PLEKHG2: variants seen among roughly 807,000 people sequenced by gnomAD.
PLEKHG2 encodes the protein pleckstrin homology domain-containing family G member 2.
Under a neutral mutation model 104.4 loss-of-function variants are expected in PLEKHG2, and 71 were observed. That is an observed-to-expected ratio of 0.68 (90% CI 0.56 to 0.83). PLEKHG2 has a LOEUF of 0.83. PLEKHG2 is among the 40% of genes least tolerant of loss of function. PLEKHG2 has a pLI of 0.00. For synonymous variants in PLEKHG2, 728 were observed against 737.0 expected, an observed-to-expected ratio of 0.99 and a Z score of 0.20; for missense variants, 1,730 against 1,809.4, an observed-to-expected ratio of 0.96 and a Z score of 0.80.
Position 39,420,969 on chromosome 19 carries a change from G to C in PLEKHG2, c.1420G>C (p.Val474Leu). 1 of 1,614,028 alleles carries C rather than the reference G, an allele frequency of 6.2e-7. No homozygotes were observed. The highest frequency in any genetic ancestry group is 8.5e-7 in the Non-Finnish European group (1 of 1,180,006). ...CACAGCTCCATCTCCTGGGCCCTCTGTGATTCGCCGAGGCCGCAGGCAGTC... is the reference window on the plus strand; with the variant it reads ...CACAGCTCCATCTCCTGGGCCCTCTCTGATTCGCCGAGGCCGCAGGCAGTC... Reference protein sequence around the residue: ...RNTAPSPGPSVIRRGRRQSEP... With the variant: ...RNTAPSPGPSLIRRGRRQSEP... Residue 474 changes from valine to leucine, a missense_variant, in exon 14 of 19, where the codon GTG becomes CTG. Coordinates refer to ENST00000425673, the MANE Select transcript of PLEKHG2 (RefSeq NM_022835.3).
rs373113861 is a variant in PLEKHG2, at chr19:39,420,745, C to G, written c.1298-6C>G. 4 of 1,614,162 alleles carry G rather than the reference C, an allele frequency of 2.5e-6. No individual in the cohort carries two copies. Among genetic ancestry groups the G allele is most frequent in the African/African-American group, 1.3e-5 (1 of 75,040 alleles). On this transcript the variant is annotated splice_polypyrimidine_tract_variant and splice_region_variant and intron_variant, in intron 12 of 18. Coordinates refer to ENST00000425673, the MANE Select transcript of PLEKHG2 (RefSeq NM_022835.3). ...TTGGCTTTTAGCCCCAAAACTCTCC[C>G]CACAGGTGCCCCCAAAAGTAAGCCT...
At chr19:39,417,780 G>T (rs2078631095) in intron 8 of PLEKHG2, 88 bp downstream of exon 8, 1 of 1,523,594 alleles carries the variant, frequency 6.6e-7, no homozygotes, top group East Asian at 2.4e-5. Flanking sequence ...TGCCTCAGAG[G>T]TAGCCTTGGA....
intron 11 of PLEKHG2, among the ~76,000 whole-genome samples, chr19:39,420,089 GT>G (rs1568394848): frequency 6.6e-6 from 1 of 152,008 alleles, no homozygotes; most frequent in African/African-American, 2.4e-5. Context: ...GCTGGACGTG[GT>G]GGTTCACGCC....
At position 39,422,725 on chromosome 19, in the gene PLEKHG2, A is replaced by G. The variant is rs1332721964; in HGVS notation, c.1678-7A>G. On this transcript the variant is annotated splice_region_variant and splice_polypyrimidine_tract_variant and intron_variant, in intron 17 of 18. Coordinates refer to ENST00000425673, the MANE Select transcript of PLEKHG2 (RefSeq NM_022835.3). ...ATGTTTGGCTTGTTCTCCTGTGCCCACTATAGCCGTCCACCCATGACATTC... is the reference window on the plus strand; with the variant it reads ...ATGTTTGGCTTGTTCTCCTGTGCCCGCTATAGCCGTCCACCCATGACATTC... 1.3e-6 allele frequency: 2 copies of G among 1,518,058 alleles called. No individual in the cohort carries two copies. Among genetic ancestry groups the G allele is most frequent in the South Asian group, 1.3e-5 (1 of 74,478 alleles). 94.0% of individuals were successfully genotyped at this position (1,518,058 alleles called of 1,614,324 possible). A position where few individuals can be genotyped will look rare whatever the true frequency, so the allele number is the denominator to read the frequency against.
intron 17 of PLEKHG2, 122 bp from the exon 18 acceptor site, chr19:39,422,610 A>G: frequency 7.8e-7 from 1 of 1,276,554 alleles, no homozygotes; most frequent in South Asian, 2.1e-5. Context: ...GCTGGTCTCG[A>G]ACTCGTAACC....
At position 39,426,389 on chromosome 19, in the gene PLEKHG2, G is replaced by A. The variant is rs2078782517; in HGVS notation, c.*1095G>A. 1 of 152,360 alleles carries A rather than the reference G, an allele frequency of 6.6e-6. No homozygotes were observed. Among genetic ancestry groups the A allele is most frequent in the East Asian group, 1.9e-4 (1 of 5,190 alleles). The allele number at this position is 152,360 out of a possible 1,614,324, so 9.4% of individuals were successfully genotyped here. ...CTCCCTCCCCCAGCAAAATAATTCA[G>A]GTCGTGGAGACAAAAGGCTTTTATG... is the stretch of plus-strand genomic sequence containing the variant. On this transcript the variant is annotated 3_prime_UTR_variant, in exon 19 of 19. Coordinates refer to ENST00000425673, the MANE Select transcript of PLEKHG2 (RefSeq NM_022835.3).
intron 7 of PLEKHG2, 114 bp downstream of exon 7, chr19:39,417,114 G>A: frequency 7.8e-7 from 1 of 1,289,208 alleles, no homozygotes; most frequent in South Asian, 1.5e-5. Flanking sequence ...CTCCCAAAGT[G>A]CTGGGATTAC....
chr19:39,413,295 G>C lies in PLEKHG2; in HGVS notation c.-140G>C, dbSNP rs1382651419. The C allele has an allele frequency of 1.3e-5, 2 of 152,234 alleles. No individual in the cohort carries two copies. The highest frequency in any genetic ancestry group is 2.9e-5 in the Non-Finnish European group (2 of 68,088). 9.4% of individuals were successfully genotyped at this position (152,234 alleles called of 1,614,324 possible). On this transcript the variant is annotated 5_prime_UTR_variant, in exon 1 of 19. Transcript: ENST00000425673. This position sits in a 1 kb window ranked among gnomAD's most constrained non-coding sequence, Gnocchi z 4.5. ...CGAGAGACCCCAGATTCTATTCCTGGAGCCTGAGAGCCCGAAGTTCACGCC... is the reference window on the plus strand; with the variant it reads ...CGAGAGACCCCAGATTCTATTCCTGCAGCCTGAGAGCCCGAAGTTCACGCC...
intron 7 of PLEKHG2, 21 bp downstream of exon 7, chr19:39,417,021 C>G (rs2078616773): frequency 1.3e-6 from 2 of 1,584,506 alleles, no homozygotes; most frequent in African/African-American, 1.3e-5. Context: ...GCCCCTGGAG[C>G]CAGGCTGGGG....
chr19:39,422,109 T>C lies in PLEKHG2; in HGVS notation c.1504-6T>C. The C allele has an allele frequency of 6.2e-7, 1 of 1,605,926 alleles. No individual in the cohort carries two copies. Among genetic ancestry groups the C allele is most frequent in the Non-Finnish European group, 8.5e-7 (1 of 1,176,186 alleles). ...TCTTGCCTTCCATTGCTTTCCCTCC[T>C]CACAGCACGCTGGCAGCGAAGGGGA... On this transcript the variant is annotated splice_polypyrimidine_tract_variant and splice_region_variant and intron_variant, in intron 16 of 18. Coordinates refer to ENST00000425673, the MANE Select transcript of PLEKHG2 (RefSeq NM_022835.3).
rs142461695 is a variant in PLEKHG2 at position 39,419,843 on chromosome 19, G to A, written c.1264-783G>A. 5.7e-4 allele frequency among the ~76,000 whole-genome samples: 86 copies of A among 150,814 alleles called. 1 individual carries two copies. In the South Asian group the frequency reaches 8.6e-3, roughly 15 times the overall value. On this transcript the variant is annotated intron_variant, in intron 11 of 18. Coordinates refer to ENST00000425673, the MANE Select transcript of PLEKHG2 (RefSeq NM_022835.3). ...CAGTGAGCCTAGGTTGCGTCACTGC[G>A]CTCTCCAGACTGGGCAACAGAGTGA...
rs1320207074 is a variant in PLEKHG2, at chr19:39,413,298, C to G, written c.-137C>G. On this transcript the variant is annotated 5_prime_UTR_variant, in exon 1 of 19. Coordinates refer to ENST00000425673, the MANE Select transcript of PLEKHG2 (RefSeq NM_022835.3). This position sits in a 1 kb window ranked among gnomAD's most constrained non-coding sequence, Gnocchi z 4.5. ...GAGACCCCAGATTCTATTCCTGGAGCCTGAGAGCCCGAAGTTCACGCCCCT... is the reference window on the plus strand; with the variant it reads ...GAGACCCCAGATTCTATTCCTGGAGGCTGAGAGCCCGAAGTTCACGCCCCT... 4 of 152,290 alleles carry G rather than the reference C, an allele frequency of 2.6e-5. No homozygotes were observed. The South Asian group carries it at 8.3e-4, about 31-fold the overall frequency. 9.4% of individuals were successfully genotyped at this position (152,290 alleles called of 1,614,324 possible).
chr19:39,417,984 G>A lies in PLEKHG2; in HGVS notation c.962G>A (p.Arg321Gln), dbSNP rs777862067. 9.7e-6 allele frequency: 15 copies of A among 1,550,710 alleles called. No individual in the cohort carries two copies. The South Asian group carries it at 1.4e-4, about 15-fold the overall frequency. The change falls in exon 9 of 19, where the codon CGA (arginine) becomes CAA (glutamine). Residue 321 changes from arginine to glutamine, a missense_variant. By Grantham distance (43) the Arg-to-Gln change is conservative. Transcript: ENST00000425673. ...GAACTGGTGTTGGAGGGCGCGTTCC[G>A]AGGAGGCGGAGGGGGTGGCCCCCGG... ...FGELVLEGAF[R>Q]GGGGGGPRLR...
rs775427339 is a variant in PLEKHG2, at chr19:39,419,024, G to C, written c.1263+21G>C. On this transcript the variant is annotated intron_variant, in intron 11 of 18. Transcript: ENST00000425673. ...CCAAGGTACAGCTCCTGCCGCAGCCGGGGGCCCTCTGAGTGCTGGAGACAC... is the reference window on the plus strand; with the variant it reads ...CCAAGGTACAGCTCCTGCCGCAGCCCGGGGCCCTCTGAGTGCTGGAGACAC... 5 of 1,592,598 alleles carry C rather than the reference G, an allele frequency of 3.1e-6. No individual in the cohort carries two copies. The African/African-American group carries it at 6.7e-5, about 21-fold the overall frequency.
rs1485192282 is a variant in PLEKHG2, at chr19:39,413,654, G to A, written c.-23+242G>A. On this transcript the variant is annotated intron_variant, in intron 1 of 18. Transcript: ENST00000425673. The surrounding 1 kb of genome is among the most constrained non-coding windows in gnomAD (Gnocchi z 4.5). ...CCCCAGCGCGCAGCCCTCGGCGGGG[G>A]AGGGAGCCGTCTGCAGGACCCTGGC... 1 of 154,864 alleles carries A rather than the reference G, an allele frequency of 6.5e-6. No homozygotes were observed. The highest frequency in any genetic ancestry group is 2.4e-5 in the African/African-American group (1 of 41,424). 9.6% of individuals were successfully genotyped at this position (154,864 alleles called of 1,614,324 possible).
At position 39,416,736 on chromosome 19, in the gene PLEKHG2, C is replaced by T. The variant is rs1417184030; in HGVS notation, c.594-114C>T. ...GTGACAGTAACTGACCTCTCCCTCA[C>T]TGCCCCGCCCCCTGTCAGACCCTGA... On this transcript the variant is annotated intron_variant, in intron 6 of 18. Coordinates refer to ENST00000425673, the MANE Select transcript of PLEKHG2 (RefSeq NM_022835.3). The surrounding 1 kb of genome is among the most constrained non-coding windows in gnomAD (Gnocchi z 4.5). 16 of 1,466,354 alleles carry T rather than the reference C, an allele frequency of 1.1e-5. No individual in the cohort carries two copies. Among genetic ancestry groups the T allele is most frequent in the Non-Finnish European group, 1.5e-5 (16 of 1,069,526 alleles). The allele number at this position is 1,466,354 out of a possible 1,614,324, so 90.8% of individuals were successfully genotyped here.
Position 39,418,962 on chromosome 19 carries a change from C to T in PLEKHG2, c.1222C>T (p.Arg408Cys), listed in dbSNP as rs762765271. The T allele has an allele frequency of 1.1e-5, 17 of 1,613,240 alleles. No homozygotes were observed. The South Asian group carries it at 1.4e-4, about 14-fold the overall frequency. Reference protein sequence around the residue: ...EKRLWIHCLQRLFFENHPASI... With the variant: ...EKRLWIHCLQCLFFENHPASI... ...GAGGCTGTGGATTCACTGTCTCCAG[C>T]GCCTCTTCTTTGAGAACCACCCTGC... Residue 408 changes from arginine (R) to cysteine (C), a missense_variant, in exon 11 of 19, where the codon CGC (arginine) becomes TGC (cysteine). By Grantham distance (180) the Arg-to-Cys change is radical. Transcript: ENST00000425673.
In PLEKHG2 at chr19:39,424,968, A is replaced by G; in HGVS notation, c.3835A>G (p.Arg1279Gly). The change falls in exon 19 of 19, where the codon AGA (arginine) becomes GGA (glycine). Residue 1279 changes from arginine (R) to glycine (G), a missense_variant. Coordinates refer to ENST00000425673, the MANE Select transcript of PLEKHG2 (RefSeq NM_022835.3). ...GGGCCCCAATGCAGCTGCCCTCTCC[A>G]GATACCTGGCAGCCTCATATATCAG... ...LLGPNAAALS[R>G]YLAASYISQS... 3 of 1,613,898 alleles carry G rather than the reference A, an allele frequency of 1.9e-6. No homozygotes were observed. The South Asian group carries it at 3.3e-5, about 18-fold the overall frequency.
rs1486316375 is a variant in PLEKHG2, at chr19:39,421,073, A to C, written c.1448-2A>C. 5 of 1,614,004 alleles carry C rather than the reference A, an allele frequency of 3.1e-6. No individual in the cohort carries two copies. In the South Asian group the frequency reaches 4.4e-5, roughly 14 times the overall value. On this transcript the variant is annotated splice_acceptor_variant, in intron 14 of 18. Transcript: ENST00000425673. LOFTEE classifies it high-confidence loss of function. Reference sequence around the variant, plus strand: ...CCTGACATCACTGTGTCCTCCCCGCAGAGCCGGTGAAGGACCCTTATGTCA... The same window carrying C: ...CCTGACATCACTGTGTCCTCCCCGCCGAGCCGGTGAAGGACCCTTATGTCA...
Sources: gnomAD v4.1 joint callset for allele counts (sites outside exome capture counted in the v4.1 genomes callset) on GRCh38, gnomAD v4.1.1 for gene constraint, Gnocchi (gnomAD v3.1) non-coding constraint, MANE v1.5 for transcripts, NCBI Gene and HGNC (gene_info 2026-07-23, HGNC 2026-07-21) for gene names.